DROSHA: variants seen among roughly 807,000 people sequenced by gnomAD.
DROSHA encodes the protein ribonuclease 3.
A neutral mutation model predicts 181.9 loss-of-function variants in DROSHA; 56 were observed. That is an observed-to-expected ratio of 0.31 (90% CI 0.25 to 0.38). The LOEUF (loss-of-function observed/expected upper bound fraction) is 0.38, where lower values mean the gene tolerates loss of function less well. DROSHA is among the 10% of genes least tolerant of loss of function. The probability of loss-of-function intolerance (pLI) is 1.00; values close to 1 mark genes in which losing one functional copy is unlikely to be tolerated. For synonymous variants in DROSHA, 524 were observed against 591.2 expected (o/e 0.89, Z 1.65); for missense variants, 1,218 against 1,743.5 (o/e 0.70, Z 5.37).
chr5:31,471,908 T>C (rs978526371), intron 17 of DROSHA, among the ~76,000 whole-genome samples, 155 bp downstream of exon 17: 4 of 152,214 alleles, frequency 2.6e-5, no homozygotes, highest in African/African-American at 9.7e-5. Context: ...TTGTAATATT[T>C]TCTTATTTAC....
intron 11 of DROSHA, among the ~76,000 whole-genome samples, chr5:31,496,450 A>G (rs1216515346): frequency 6.6e-6 from 1 of 152,176 alleles, no homozygotes; most frequent in African/African-American, 2.4e-5. Context: ...AAAGAAAACC[A>G]TAAACATCTG....
intron 21 of DROSHA, among the ~76,000 whole-genome samples, chr5:31,450,698 G>A (rs186120019): frequency 1.3e-5 from 2 of 152,010 alleles, no homozygotes; most frequent in Non-Finnish European, 2.9e-5. Context: ...TGGGAGGGGG[G>A]TGAGGGATGA....
rs915619984 is a variant in DROSHA, at chr5:31,446,677, A to T, written c.2882+1870T>A. 4.9e-5 allele frequency among the ~76,000 whole-genome samples: 3 copies of T among 61,722 alleles called. No individual in the cohort carries two copies. In the South Asian group the frequency reaches 1.3e-3, roughly 26 times the overall value. 40.5% of individuals were successfully genotyped at this position (61,722 alleles called of 152,430 possible). A position where few individuals can be genotyped will look rare whatever the true frequency, so the allele number is the denominator to read the frequency against. ...CATAGCAAGAGCCCTGTCTCTATTT[A>T]AAAAAAAAAAAAAAAAAGGTTAAGA... On this transcript the variant is annotated intron_variant, in intron 23 of 35. Transcript: ENST00000344624.
chr5:31,530,416 T>C (rs1263620531), intron 3 of DROSHA, among the ~76,000 whole-genome samples: 3 of 152,028 alleles, frequency 2.0e-5, no homozygotes, highest in Non-Finnish European at 4.4e-5. Context: ...TAAGGCTCTA[T>C]TGACTCTGGA....
chr5:31,482,263 A>T (rs1751115016), intron 16 of DROSHA, among the ~76,000 whole-genome samples: 1 of 152,140 alleles, frequency 6.6e-6, no homozygotes, highest in Admixed American at 6.5e-5. Flanking sequence ...CCATATATAG[A>T]AGAAAAGGCA....
At chr5:31,413,810 G>A (rs1041041376) in intron 30 of DROSHA, among the ~76,000 whole-genome samples, 2 of 152,198 alleles carry the variant, frequency 1.3e-5, no homozygotes, top group African/African-American at 4.8e-5. Context: ...GCATTTCAGG[G>A]CCTCATTTAC....
Position 31,407,232 on chromosome 5 carries a change from A to G in DROSHA, c.3855-287T>C, listed in dbSNP as rs149742595. Among the ~76,000 whole-genome samples, 236 of 152,326 alleles carry G rather than the reference A, an allele frequency of 1.5e-3. 1 individual carries two copies. The highest frequency in any genetic ancestry group is 5.2e-3 in the African/African-American group (218 of 41,582). ...AAAGGCTAACAGTGAAGTGTAAAAT[A>G]TTTTCAAAGAATTTCTAAGTGTGCA... On this transcript the variant is annotated intron_variant, in intron 33 of 35. Transcript: ENST00000344624.
Position 31,411,680 on chromosome 5 carries a change from A to G in DROSHA, c.3526-793T>C, listed in dbSNP as rs1177595648. Among the ~76,000 whole-genome samples, 1 of 151,916 alleles carries G rather than the reference A, an allele frequency of 6.6e-6. No individual in the cohort carries two copies. Among genetic ancestry groups the G allele is most frequent in the Non-Finnish European group, 1.5e-5 (1 of 67,996 alleles). On this transcript the variant is annotated intron_variant, in intron 30 of 35. Coordinates refer to ENST00000344624, the MANE Select transcript of DROSHA (RefSeq NM_001382508.1). The surrounding 1 kb of genome is among the most constrained non-coding windows in gnomAD (Gnocchi z 4.2). The stretch of plus-strand genomic sequence containing the variant: ...TGCTCTGTTGCCTAGGCTGGAGTGC[A>G]GTGGTGCACCATCTTGGCTCACTGC...
chr5:31,514,105 C>T lies in DROSHA; in HGVS notation c.1290+883G>A, dbSNP rs1580355909. Among the ~76,000 whole-genome samples the T allele has an allele frequency of 6.6e-6, 1 of 152,288 alleles. No individual in the cohort carries two copies. Among genetic ancestry groups the T allele is most frequent in the East Asian group, 1.9e-4 (1 of 5,174 alleles). On this transcript the variant is annotated intron_variant, in intron 8 of 35. Transcript: ENST00000344624. This position sits in a 1 kb window ranked among gnomAD's most constrained non-coding sequence, Gnocchi z 4.4. ...TCCAGCCCATTAAGGGTGACAATGGCTCTCCCTTTCTGCAAAACTAGCCAA... is the reference window on the plus strand; with the variant it reads ...TCCAGCCCATTAAGGGTGACAATGGTTCTCCCTTTCTGCAAAACTAGCCAA...
At chr5:31,437,323 C>T in intron 23 of DROSHA, 25 bp from the exon 24 acceptor site, 7 of 1,550,558 alleles carry the variant, frequency 4.5e-6, no homozygotes, top group Non-Finnish European at 6.1e-6. Context: ...AAAAAGGTTA[C>T]TTAATACAGC....
At chr5:31,484,286 A>G (rs1166027122) in intron 15 of DROSHA, among the ~76,000 whole-genome samples, 1 of 148,184 alleles carries the variant, frequency 6.7e-6, no homozygotes, top group African/African-American at 2.5e-5. Context: ...AGGCAGGAGA[A>G]TGGCGTGAAC....
chr5:31,414,145 G>T (rs1218371993), intron 30 of DROSHA, among the ~76,000 whole-genome samples: 2 of 152,162 alleles, frequency 1.3e-5, no homozygotes, highest in African/African-American at 4.8e-5. Context: ...ATGTGAAGAA[G>T]ACTGCACTTT....
intron 7 of DROSHA, 65 bp from the exon 8 acceptor site, chr5:31,515,284 T>C: frequency 1.3e-6 from 2 of 1,516,240 alleles, no homozygotes; most frequent in Non-Finnish European, 1.8e-6. Flanking sequence ...ACTATTCTAT[T>C]TCACCTATTT....
rs549402941 is a variant in DROSHA at position 31,486,431 on chromosome 5, G to A, written c.1914+60C>T. On this transcript the variant is annotated intron_variant, in intron 14 of 35. Transcript: ENST00000344624. ...TGGCCAAGTTCAATGCTTTAAAATA[G>A]TAGTATGGAACAAGCAAAAGAGCAA... 5.8e-6 allele frequency: 9 copies of A among 1,539,802 alleles called. No individual in the cohort carries two copies. The East Asian group carries it at 1.8e-4, about 31-fold the overall frequency.
In DROSHA at chr5:31,484,882, T is replaced by G. The variant is rs1257442615; in HGVS notation, c.1995A>C (p.Lys665Asn). 1 of 1,535,492 alleles carries G rather than the reference T, an allele frequency of 6.5e-7. No individual in the cohort carries two copies. The highest frequency in any genetic ancestry group is 1.4e-5 in the African/African-American group (1 of 72,652). The change falls in exon 15 of 36, where the codon AAA (lysine) becomes AAC (asparagine). Residue 665 changes from lysine (K) to asparagine (N), a missense_variant and splice_region_variant. Around this residue, in one of 8 missense-constraint regions of DROSHA, gnomAD observed 460 missense variants for 774.2 expected, o/e 0.59. Transcript: ENST00000344624. ...TCTTCTTTAAATCCTATTACTTACC[T>G]TTAAGATTCCAGTCATATAATTCCA... ...DILELYDWNL[K>N]GPLFEDSPPC...
chr5:31,436,794 A>G (rs1580086793), intron 24 of DROSHA, among the ~76,000 whole-genome samples: 1 of 136,010 alleles, frequency 7.4e-6, no homozygotes, highest in East Asian at 2.2e-4. Flanking sequence ...ACACACACAC[A>G]CACTAGAAAA....
At position 31,464,090 on chromosome 5, in the gene DROSHA, AT is replaced by A. The variant is rs1748743981; in HGVS notation, c.2574+145del. 7 of 734,048 alleles carry A rather than the reference AT, an allele frequency of 9.5e-6. No individual in the cohort carries two copies. The Admixed American group carries it at 1.8e-4, about 19-fold the overall frequency. The allele number at this position is 734,048 out of a possible 1,614,324, so 45.5% of individuals were successfully genotyped here. A position where few individuals can be genotyped will look rare whatever the true frequency, so the allele number is the denominator to read the frequency against. ...AGACAACAAAAACAAAATCCAAATA[AT>A]AGAAAACAATTTATAGTTGATATTC... On this transcript the variant is annotated intron_variant, in intron 20 of 35. Transcript: ENST00000344624.
At chr5:31,509,727 T>TA (rs1738443519) in intron 9 of DROSHA, among the ~76,000 whole-genome samples, 1 of 152,180 alleles carries the variant, frequency 6.6e-6, no homozygotes, top group Non-Finnish European at 1.5e-5. Flanking sequence ...TGTTAGTCCT[T>TA]AAAGTGACTG....
chr5:31,408,775 T>C, intron 33 of DROSHA: 1 of 294,908 alleles, frequency 3.4e-6, no homozygotes, highest in Non-Finnish European at 6.3e-6. Flanking sequence ...CTTTTTAATC[T>C]CATAATCTTA....
Sources: gnomAD v4.1 joint callset for allele counts (sites outside exome capture counted in the v4.1 genomes callset) on GRCh38, gnomAD v4.1.1 for gene constraint, gnomAD v4.1.1 regional missense constraint, Gnocchi (gnomAD v3.1) non-coding constraint, MANE v1.5 for transcripts, NCBI Gene and HGNC (gene_info 2026-07-23, HGNC 2026-07-21) for gene names.